HMCN1: variants seen among roughly 807,000 people sequenced by gnomAD.
HMCN1 encodes the protein hemicentin 1, also known as hemicentin-1.
HMCN1 carries 321 observed loss-of-function variants against 625.9 expected under a neutral mutation model. The ratio of observed to expected loss-of-function variants is 0.51; its 90% CI spans 0.47 to 0.56. HMCN1 has a LOEUF of 0.56. Ranked by LOEUF, HMCN1 falls within the 20% of genes least tolerant of loss-of-function variation. The pLI is 0.00. For missense variants in HMCN1, 6,588 were observed against 6,887.3 expected (o/e 0.96, Z 1.54); for synonymous variants, 2,425 against 2,417.6 (o/e 1.00, Z -0.09).
intron 1 of HMCN1, among the ~76,000 whole-genome samples, chr1:185,736,852 A>T (rs775173658): frequency 6.6e-6 from 1 of 152,224 alleles, no homozygotes; most frequent in Non-Finnish European, 1.5e-5. Context: ...GAATCCAGTA[A>T]TATGAGAAAA....
At chr1:185,763,284 G>C (rs1278641707) in intron 1 of HMCN1, among the ~76,000 whole-genome samples, 1 of 152,012 alleles carries the variant, frequency 6.6e-6, no homozygotes, top group Non-Finnish European at 1.5e-5. Flanking sequence ...GGTGAACTTA[G>C]AACAAGGGAA....
At chr1:186,020,913 A>G (rs1315986010) in intron 35 of HMCN1, among the ~76,000 whole-genome samples, 1 of 152,018 alleles carries the variant, frequency 6.6e-6, no homozygotes, top group Non-Finnish European at 1.5e-5. Context: ...AAGGTTGATG[A>G]TTTTATTTTT....
At chr1:186,159,929 G>C (rs538045657) in intron 97 of HMCN1, among the ~76,000 whole-genome samples, 2 of 152,084 alleles carry the variant, frequency 1.3e-5, no homozygotes, top group African/African-American at 4.8e-5. Flanking sequence ...GGTGATGCTG[G>C]CCTCATAAAA....
intron 1 of HMCN1, among the ~76,000 whole-genome samples, chr1:185,778,807 C>T (rs533785346): frequency 3.9e-5 from 6 of 152,186 alleles, no homozygotes; most frequent in East Asian, 1.9e-4. Context: ...AATGCACATA[C>T]GTGTGCATGT....
intron 1 of HMCN1, among the ~76,000 whole-genome samples, chr1:185,816,430 A>G (rs987717848): frequency 4.6e-5 from 7 of 152,210 alleles, no homozygotes; most frequent in African/African-American, 1.7e-4. Flanking sequence ...AATCTCTTGT[A>G]TGCTCATCCC....
At chr1:185,765,208 T>C (rs1206208429) in intron 1 of HMCN1, among the ~76,000 whole-genome samples, 1 of 152,144 alleles carries the variant, frequency 6.6e-6, no homozygotes, top group Admixed American at 6.5e-5. Flanking sequence ...GAATAAGCCA[T>C]AGAGTAAAGA....
intron 9 of HMCN1, among the ~76,000 whole-genome samples, chr1:185,927,733 T>A (rs1054785963): frequency 6.6e-6 from 1 of 152,168 alleles, no homozygotes; most frequent in Non-Finnish European, 1.5e-5. Context: ...ATATCTTGAT[T>A]TTTTTAAGGT....
intron 4 of HMCN1, among the ~76,000 whole-genome samples, chr1:185,879,074 G>A (rs995211329): frequency 1.3e-5 from 2 of 152,166 alleles, no homozygotes; most frequent in African/African-American, 4.8e-5. Flanking sequence ...TCCACATTTA[G>A]TTAGTTGGTA....
chr1:186,071,728 T>C (rs1299261165), intron 52 of HMCN1, among the ~76,000 whole-genome samples: 3 of 152,220 alleles, frequency 2.0e-5, no homozygotes, highest in Non-Finnish European at 4.4e-5. Context: ...AAGTTTCATC[T>C]GGAAGCCATT....
At chr1:186,056,813 A>G (rs2102292265) in intron 45 of HMCN1, among the ~76,000 whole-genome samples, 1 of 152,026 alleles carries the variant, frequency 6.6e-6, no homozygotes, top group East Asian at 1.9e-4. Flanking sequence ...CACCTACGTG[A>G]CAGGATCAAT....
intron 1 of HMCN1, among the ~76,000 whole-genome samples, chr1:185,820,205 T>A (rs1660099520): frequency 6.6e-6 from 1 of 152,146 alleles, no homozygotes; most frequent in Non-Finnish European, 1.5e-5. Flanking sequence ...AAGTAATCTC[T>A]GAGGTTACTT....
intron 1 of HMCN1, among the ~76,000 whole-genome samples, chr1:185,826,994 G>C (rs188244753): frequency 6.6e-6 from 1 of 151,922 alleles, no homozygotes; most frequent in African/African-American, 2.4e-5. Context: ...GGCTGACACA[G>C]TGAAACCTTG....
intron 71 of HMCN1, among the ~76,000 whole-genome samples, chr1:186,109,973 A>ATCC (rs1660799982): frequency 6.6e-6 from 1 of 152,186 alleles, no homozygotes; most frequent in Admixed American, 6.5e-5. Context: ...TTGATGATGG[A>ATCC]GGAGTCTAGG....
intron 1 of HMCN1, among the ~76,000 whole-genome samples, chr1:185,826,147 G>A (rs1660497884): frequency 6.6e-6 from 1 of 152,002 alleles, no homozygotes; most frequent in African/African-American, 2.4e-5. Context: ...CAAAGTAGAT[G>A]GTTATTATTG....
Position 185,928,463 on chromosome 1 carries a change from C to A in HMCN1, c.1431-83C>A, listed in dbSNP as rs61647031. ...TCTTTACATTGTTCTTTTGAATGAA[C>A]CTTCAAAAGAAATAGTTAATCATTG... On this transcript the variant is annotated intron_variant, in intron 9 of 106. Coordinates refer to ENST00000271588, the MANE Select transcript of HMCN1 (RefSeq NM_031935.3). The A allele has an allele frequency of 5.0e-4, 577 of 1,151,948 alleles. 4 individuals are homozygous for A. In the African/African-American group the frequency reaches 7.4e-3, roughly 15 times the overall value. 71.4% of individuals were successfully genotyped at this position (1,151,948 alleles called of 1,614,324 possible).
Position 186,171,459 on chromosome 1 carries a change from A to C in HMCN1, c.15688+9A>C. On this transcript the variant is annotated intron_variant, in intron 101 of 106. Transcript: ENST00000271588. ...AGGCAGAAAATGCATGGGTAAGAAAAGGGCTTTGAATTTAAAGGAATGACA... is the reference window on the plus strand; with the variant it reads ...AGGCAGAAAATGCATGGGTAAGAAACGGGCTTTGAATTTAAAGGAATGACA... 6.3e-7 allele frequency: 1 copy of C among 1,581,526 alleles called. No individual in the cohort carries two copies. The highest frequency in any genetic ancestry group is 8.7e-7 in the Non-Finnish European group (1 of 1,150,668).
chr1:185,910,820 C>T (rs183589739), intron 5 of HMCN1, among the ~76,000 whole-genome samples: 151 of 152,234 alleles, frequency 9.9e-4, no homozygotes, highest in Middle Eastern at 6.8e-3. Context: ...CTGCCCACCT[C>T]GGCCTCCCAA....
At chr1:185,884,971 C>T (rs767418610) in intron 4 of HMCN1, among the ~76,000 whole-genome samples, 5 of 151,578 alleles carry the variant, frequency 3.3e-5, no homozygotes, top group South Asian at 4.2e-4. Context: ...TAACAGAAGA[C>T]GTATACTCTT....
At chr1:185,999,100 A>G (rs924212247) in intron 25 of HMCN1, among the ~76,000 whole-genome samples, 6 of 151,562 alleles carry the variant, frequency 4.0e-5, no homozygotes, top group East Asian at 1.9e-4. Context: ...AGCTTCAATG[A>G]CATATTCTAC....
Sources: gnomAD v4.1 joint callset for allele counts (sites outside exome capture counted in the v4.1 genomes callset) on GRCh38, gnomAD v4.1.1 for gene constraint, MANE v1.5 for transcripts, NCBI Gene and HGNC (gene_info 2026-07-23, HGNC 2026-07-21) for gene names.